The following LRTM1 variants were observed in gnomAD, a reference collection of about 807,000 sequenced individuals.
LRTM1 encodes leucine rich repeat transmembrane protein 1, also known as leucine-rich repeat and transmembrane domain-containing protein 1.
In LRTM1, 38 loss-of-function variants were observed where a neutral mutation model predicts 32.4. That is an observed-to-expected ratio of 1.17 (90% CI 0.91 to 1.54). The LOEUF (loss-of-function observed/expected upper bound fraction) is 1.54. LRTM1 is among the 40% of genes most tolerant of loss of function. The pLI is 0.00. For synonymous variants in LRTM1, 186 were observed against 169.9 expected, an observed-to-expected ratio of 1.09 and a Z score of -0.74; for missense variants, 466 against 415.4, an observed-to-expected ratio of 1.12 and a Z score of -1.06.
chr3:54,957,740 G>T (rs186609993), intron 1 of LRTM1, among the ~76,000 whole-genome samples: 1 of 152,028 alleles, frequency 6.6e-6, no homozygotes, highest in Non-Finnish European at 1.5e-5. Context: ...CATCCCTGGT[G>T]CCCATTGCTC....
intron 1 of LRTM1, among the ~76,000 whole-genome samples, chr3:54,926,253 TATTA>T (rs1264373187): frequency 3.3e-5 from 5 of 152,170 alleles, no homozygotes; most frequent in African/African-American, 1.2e-4. Flanking sequence ...TAAATATGTA[TATTA>T]ATTAATCCTC....
At chr3:54,939,886 C>G (rs1025600330) in intron 1 of LRTM1, among the ~76,000 whole-genome samples, 4 of 152,182 alleles carry the variant, frequency 2.6e-5, no homozygotes, top group Non-Finnish European at 4.4e-5. Flanking sequence ...TTAGAGCATC[C>G]AGAGTCTGAA....
At chr3:54,924,586 A>G (rs761989104) in intron 2 of LRTM1, 33 bp downstream of exon 2, 9 of 1,525,862 alleles carry the variant, frequency 5.9e-6, no homozygotes, top group Non-Finnish European at 8.1e-6. Context: ...CTGGTAACAC[A>G]CAGATGGGGG....
chr3:54,945,287 G>T (rs1701584219), intron 1 of LRTM1, among the ~76,000 whole-genome samples: 1 of 152,212 alleles, frequency 6.6e-6, no homozygotes, highest in African/African-American at 2.4e-5. Flanking sequence ...GTGCCCTCCA[G>T]TCTGTCTGTG....
At position 54,924,641 on chromosome 3, in the gene LRTM1, C is replaced by G. The variant is rs769756063; in HGVS notation, c.582G>C (p.Trp194Cys). Residue 194 changes from tryptophan to cysteine, a missense_variant, in exon 2 of 3, where the codon TGG (tryptophan) becomes TGC (cysteine). Transcript: ENST00000273286. ...CNCHLLGLKL[W>C]LEKFVYKGGL... is the part of the protein sequence containing the mutation. The stretch of plus-strand genomic sequence containing the variant: ...GACCTTTATAGACAAATTTCTCCAG[C>G]CAGAGTTTAAGACCGAGCAAGTGGC... The G allele has an allele frequency of 3.1e-6, 5 of 1,613,884 alleles. No individual in the cohort carries two copies. The South Asian group carries it at 5.5e-5, about 18-fold the overall frequency.
At position 54,918,719 on chromosome 3, in the gene LRTM1, TCTCAGGAGGC is replaced by T. The variant is rs1700742078; in HGVS notation, c.768_777del (p.Pro257ThrfsTer43). The T allele has an allele frequency of 6.2e-7, 1 of 1,614,002 alleles. No homozygotes were observed. Among genetic ancestry groups the T allele is most frequent in the Admixed American group, 1.7e-5 (1 of 59,984 alleles). On this transcript the variant is annotated frameshift_variant, in exon 3 of 3. Transcript: ENST00000273286. LOFTEE classifies it high-confidence loss of function. ...AGTTCTCGCTCCCCCGCGTTGTGGT[TCTCAGGAGGC>T]CTCAGGACCACACCGTGGGCAGAGC...
chr3:54,942,698 G>A (rs1701502690), intron 1 of LRTM1, among the ~76,000 whole-genome samples: 1 of 152,004 alleles, frequency 6.6e-6, no homozygotes, highest in South Asian at 2.1e-4. Context: ...AGACCAGCCT[G>A]GGCAACATAG....
In LRTM1 at chr3:54,918,481, C is replaced by T. The variant is rs757176230; in HGVS notation, c.1016G>A (p.Arg339Gln). ...NDPGKVEEKE[R>Q]FDSSPA is the part of the protein sequence containing the mutation. ...CTCTCAGGCTGGTGAGCTGTCAAAT[C>T]GCTCTTTTTCTTCCACCTTCCCAGG... The change falls in exon 3 of 3, where the codon CGA becomes CAA. Residue 339 changes from arginine (R) to glutamine (Q), a missense_variant. Arg to Gln is a conservative substitution (Grantham distance 43). Coordinates refer to ENST00000273286, the MANE Select transcript of LRTM1 (RefSeq NM_020678.4). 9 of 1,613,406 alleles carry T rather than the reference C, an allele frequency of 5.6e-6. No homozygotes were observed. The highest frequency in any genetic ancestry group is 2.2e-5 in the East Asian group (1 of 44,866).
At chr3:54,957,703 A>AG (rs59986183) in intron 1 of LRTM1, among the ~76,000 whole-genome samples, 64,383 of 151,614 alleles carry the variant, frequency 0.42, 14,689 homozygotes, top group East Asian at 0.56. Flanking sequence ...CCCAGTCAGG[A>AG]GGGTTAGAAA....
At chr3:54,956,480 C>T (rs1170809888) in intron 1 of LRTM1, among the ~76,000 whole-genome samples, 1 of 152,228 alleles carries the variant, frequency 6.6e-6, no homozygotes, top group Non-Finnish European at 1.5e-5. Context: ...TCCTAACTTG[C>T]ATGGGCCACA....
intron 1 of LRTM1, among the ~76,000 whole-genome samples, chr3:54,941,897 A>G (rs1036731871): frequency 6.6e-6 from 1 of 152,188 alleles, no homozygotes; most frequent in African/African-American, 2.4e-5. Context: ...TGTAGTAAAA[A>G]TGGAAACTGC....
At chr3:54,952,944 G>T (rs1701795840) in intron 1 of LRTM1, among the ~76,000 whole-genome samples, 2 of 152,292 alleles carry the variant, frequency 1.3e-5, no homozygotes, top group South Asian at 4.1e-4. Context: ...TTTTCATAGG[G>T]ATTTGAAGCC....
chr3:54,939,369 C>A (rs977342435), intron 1 of LRTM1, among the ~76,000 whole-genome samples: 10 of 152,232 alleles, frequency 6.6e-5, no homozygotes, highest in Non-Finnish European at 1.2e-4. Flanking sequence ...ATCTGCCGGA[C>A]TTCAAAGCCT....
chr3:54,936,330 A>AT (rs2106969915), intron 1 of LRTM1, among the ~76,000 whole-genome samples: 1 of 152,296 alleles, frequency 6.6e-6, no homozygotes, highest in East Asian at 1.9e-4. Context: ...CCGTGGACAG[A>AT]GCTCCCCATC....
intron 2 of LRTM1, among the ~76,000 whole-genome samples, chr3:54,919,215 G>T (rs2106925820): frequency 6.6e-6 from 1 of 152,336 alleles, no homozygotes; most frequent in African/African-American, 2.4e-5. Context: ...GATGGTGAGG[G>T]CACAGCTGCC....
chr3:54,947,535 A>G (rs915008580), intron 1 of LRTM1, among the ~76,000 whole-genome samples: 1 of 152,194 alleles, frequency 6.6e-6, no homozygotes, highest in Non-Finnish European at 1.5e-5. Context: ...TCTGTGGGTT[A>G]GCAGCATATA....
upstream of LRTM1, among the ~76,000 whole-genome samples, chr3:54,933,047 CCCTCCCTT>C (rs1315228205): frequency 3.7e-5 from 5 of 135,116 alleles, no homozygotes; most frequent in South Asian, 4.4e-4. Context: ...ATCCATCCAT[CCCTCCCTT>C]CCTTCCTTCC....
chr3:54,919,367 G>A (rs915134911), intron 2 of LRTM1, among the ~76,000 whole-genome samples: 2 of 152,208 alleles, frequency 1.3e-5, no homozygotes, highest in Admixed American at 1.3e-4. Context: ...AAGATCCTGT[G>A]TGTCTCAACA....
At chr3:54,935,161 T>C (rs1701298647) in intron 1 of LRTM1, among the ~76,000 whole-genome samples, 1 of 152,208 alleles carries the variant, frequency 6.6e-6, no homozygotes, top group Non-Finnish European at 1.5e-5. Context: ...AGGGAACCAG[T>C]TCTTAGAAGT....
Sources: allele counts gnomAD v4.1 joint callset (sites outside exome capture counted in the v4.1 genomes callset), GRCh38; gene constraint gnomAD v4.1.1; transcripts MANE v1.5; gene names NCBI Gene and HGNC (gene_info 2026-07-23, HGNC 2026-07-21).